LARGE1: variants seen among roughly 807,000 people sequenced by gnomAD.
The protein encoded by LARGE1 is LARGE xylosyl- and glucuronyltransferase 1.
LARGE1 carries 43 observed loss-of-function variants against 87.6 expected under a neutral mutation model. That is an observed-to-expected ratio of 0.49 (90% confidence interval 0.38 to 0.63). The LOEUF is 0.63. Ranked by LOEUF, LARGE1 falls within the 30% of genes least tolerant of loss-of-function variation. The probability of loss-of-function intolerance (pLI) is 0.00; values close to 1 mark genes in which losing one functional copy is unlikely to be tolerated. For synonymous variants in LARGE1, 434 were observed against 394.6 expected (o/e 1.10, Z -1.18); for missense variants, 802 against 1,000.2 (o/e 0.80, Z 2.67).
At chr22:33,544,003 A>G (rs1184901821) in intron 6 of LARGE1, among the ~76,000 whole-genome samples, 1 of 152,250 alleles carries the variant, frequency 6.6e-6, no homozygotes, top group African/African-American at 2.4e-5. Flanking sequence ...GGTATGTCCT[A>G]GAGAATGTCC....
intron 1 of LARGE1, among the ~76,000 whole-genome samples, chr22:33,766,878 C>A (rs2084916576): frequency 9.0e-6 from 1 of 110,964 alleles, no homozygotes; most frequent in Non-Finnish European, 1.9e-5. Context: ...TGTAAATTAT[C>A]TTTTGGTATA....
chr22:33,103,289 C>A, the LARGE1 span, among the ~76,000 whole-genome samples: 1 of 151,814 alleles, frequency 6.6e-6, no homozygotes, highest in African/African-American at 2.4e-5. Flanking sequence ...AAAAATTAGC[C>A]GGGCGTGGTG....
intron 2 of LARGE1, among the ~76,000 whole-genome samples, chr22:33,707,526 C>G (rs564450433): frequency 6.6e-6 from 1 of 152,348 alleles, no homozygotes; most frequent in Admixed American, 6.5e-5. Context: ...CAAGCACACA[C>G]GCATCATGCT....
At chr22:33,616,585 T>C (rs2079588705) in intron 4 of LARGE1, among the ~76,000 whole-genome samples, 1 of 150,842 alleles carries the variant, frequency 6.6e-6, no homozygotes, top group African/African-American at 2.4e-5. Context: ...AGCTGATGAA[T>C]GGATAATACA....
chr22:33,416,936 C>T (rs1162454893), intron 7 of LARGE1, among the ~76,000 whole-genome samples: 2 of 92,904 alleles, frequency 2.2e-5, no homozygotes, highest in Non-Finnish European at 3.9e-5. Flanking sequence ...GAGACAGAGT[C>T]TCGCTGTGTC....
the LARGE1 span, among the ~76,000 whole-genome samples, chr22:33,079,952 C>T: frequency 5.3e-5 from 8 of 152,164 alleles, no homozygotes; most frequent in Non-Finnish European, 1.2e-4. Flanking sequence ...GGGGACTGTC[C>T]TCTTGCATGT....
intron 3 of LARGE1, among the ~76,000 whole-genome samples, chr22:33,628,991 C>A (rs2080018683): frequency 6.6e-6 from 1 of 152,152 alleles, no homozygotes; most frequent in South Asian, 2.1e-4. Context: ...TGTTAGAAAA[C>A]CCTGTATGAG....
chr22:33,169,615 G>A (rs1338542037), intron 11 of LARGE1, among the ~76,000 whole-genome samples: 1 of 152,202 alleles, frequency 6.6e-6, no homozygotes, highest in East Asian at 1.9e-4. Flanking sequence ...ACTTTGGGAG[G>A]CTGAGGCGGG....
At chr22:33,561,598 G>A (rs560019157) in intron 6 of LARGE1, among the ~76,000 whole-genome samples, 1 of 152,300 alleles carries the variant, frequency 6.6e-6, no homozygotes, top group East Asian at 1.9e-4. Flanking sequence ...TCTTGCAACA[G>A]TCCCAACAGT....
At chr22:33,864,485 G>A (rs1435211973) in intron 1 of LARGE1, among the ~76,000 whole-genome samples, 1 of 152,186 alleles carries the variant, frequency 6.6e-6, no homozygotes, top group Non-Finnish European at 1.5e-5. Context: ...CCTTGGAGTG[G>A]AGAGCGCCTA....
chr22:33,496,234 C>T (rs1300838088), intron 6 of LARGE1, among the ~76,000 whole-genome samples: 1 of 152,132 alleles, frequency 6.6e-6, no homozygotes, highest in Admixed American at 6.5e-5. Context: ...TGTCCCCACC[C>T]AGATTGAGGG....
At chr22:33,169,771 A>G (rs1922463423) in intron 11 of LARGE1, among the ~76,000 whole-genome samples, 1 of 152,060 alleles carries the variant, frequency 6.6e-6, no homozygotes, top group East Asian at 1.9e-4. Context: ...GAATTGCTTG[A>G]ACCTGGGAGG....
At chr22:33,777,572 G>A (rs1238131310) in intron 1 of LARGE1, among the ~76,000 whole-genome samples, 2 of 148,858 alleles carry the variant, frequency 1.3e-5, no homozygotes, top group Admixed American at 6.7e-5. Flanking sequence ...GAGCCCAGGA[G>A]GTCAAGGCTG....
At chr22:33,426,335 T>C (rs146377242) in intron 7 of LARGE1, among the ~76,000 whole-genome samples, 1 of 152,324 alleles carries the variant, frequency 6.6e-6, no homozygotes, top group Admixed American at 6.5e-5. Flanking sequence ...TAGCATGTAA[T>C]GAATGAATAA....
At chr22:33,130,383 G>A in the LARGE1 span, among the ~76,000 whole-genome samples, 2 of 148,864 alleles carry the variant, frequency 1.3e-5, no homozygotes, top group African/African-American at 5.0e-5. Flanking sequence ...CCAGCTACTC[G>A]GGAGGCTGAG....
At chr22:33,760,991 C>G (rs1023973810) in intron 2 of LARGE1, among the ~76,000 whole-genome samples, 5 of 152,106 alleles carry the variant, frequency 3.3e-5, no homozygotes, top group Non-Finnish European at 5.9e-5. Flanking sequence ...CCACCACCAC[C>G]ACCACGATGT....
At position 33,763,038 on chromosome 22, in the gene LARGE1, G is replaced by A. The variant is rs190053806; in HGVS notation, c.-82-1480C>T. ...TTCCCTCTTGGGTAACCCTTATACC[G>A]CCATGAAGGTGGTCTGGTTGGACTG... On this transcript the variant is annotated intron_variant, in intron 1 of 14. Transcript: ENST00000397394. Among the ~76,000 whole-genome samples, 10 of 152,200 alleles carry A rather than the reference G, an allele frequency of 6.6e-5. No homozygotes were observed. In the South Asian group the frequency reaches 1.5e-3, roughly 22 times the overall value.
At chr22:33,889,118 C>T (rs762770281) in intron 1 of LARGE1, 2 of 152,204 alleles carry the variant, frequency 1.3e-5, no homozygotes, top group African/African-American at 2.4e-5. Context: ...ACAGATGCCA[C>T]CTGCCCCTAA....
At chr22:33,738,585 C>G (rs555577618) in intron 2 of LARGE1, among the ~76,000 whole-genome samples, 1 of 152,172 alleles carries the variant, frequency 6.6e-6, no homozygotes. Flanking sequence ...CAGGGCCGGG[C>G]GCGGTGGCTC....
Sources: gnomAD v4.1 joint callset for allele counts (sites outside exome capture counted in the v4.1 genomes callset) on GRCh38, gnomAD v4.1.1 for gene constraint, MANE v1.5 for transcripts, NCBI Gene and HGNC (gene_info 2026-07-23, HGNC 2026-07-21) for gene names.